The following FASLG variants were observed in gnomAD, a reference collection of about 807,000 sequenced individuals.
FASLG encodes tumor necrosis factor ligand superfamily member 6.
In FASLG, 9 loss-of-function variants were observed where a neutral mutation model predicts 24.6. The observed-to-expected ratio is 0.37, with a 90% confidence interval of 0.22 to 0.64. FASLG has a LOEUF of 0.64. Among genes scored for constraint, FASLG ranks in the 30% least tolerant of loss-of-function variants. FASLG has a pLI of 0.64. For synonymous variants in FASLG, 130 were observed against 135.5 expected (o/e 0.96, Z 0.28); for missense variants, 306 against 345.3 (o/e 0.89, Z 0.90).
In FASLG at chr1:172,666,129, C is replaced by A. The variant is rs1416345411; in HGVS notation, c.*113C>A. On this transcript the variant is annotated 3_prime_UTR_variant, in exon 4 of 4. Transcript: ENST00000367721. ...TTGAGGTCAAGTAAGAAGACATGAA[C>A]CAAGTGGACCTTGAGACCACAGGGT... The A allele has an allele frequency of 2.3e-6, 3 of 1,305,812 alleles. No homozygotes were observed. Among genetic ancestry groups the A allele is most frequent in the African/African-American group, 1.5e-5 (1 of 68,078 alleles). The allele number at this position is 1,305,812 out of a possible 1,614,324, so 80.9% of individuals were successfully genotyped here. A position where few individuals can be genotyped will look rare whatever the true frequency, so the allele number is the denominator to read the frequency against.
Position 172,665,871 on chromosome 1 carries a change from C to T in FASLG, c.701C>T (p.Thr234Ile), listed in dbSNP as rs1457134039. 2 of 1,613,584 alleles carry T rather than the reference C, an allele frequency of 1.2e-6. No individual in the cohort carries two copies. The highest frequency in any genetic ancestry group is 2.7e-5 in the African/African-American group (2 of 75,030). Residue 234 changes from threonine (T) to isoleucine (I), a missense_variant, in exon 4 of 4, where the codon ACT (threonine) becomes ATT (isoleucine). Physicochemically the swap from Thr to Ile is moderately conservative, Grantham distance 89. Coordinates refer to ENST00000367721, the MANE Select transcript of FASLG (RefSeq NM_000639.3). ...MMEGKMMSYC[T>I]TGQMWARSSY... ...GAGGGGAAGATGATGAGCTACTGCA[C>T]TACTGGGCAGATGTGGGCCCGCAGC...
rs753616723 is a variant in FASLG at position 172,665,809 on chromosome 1, G to A, written c.639G>A (p.Met213Ile). The A allele has an allele frequency of 1.9e-6, 3 of 1,614,158 alleles. No individual in the cohort carries two copies. The Admixed American group carries it at 5.0e-5, about 27-fold the overall frequency. The change falls in exon 4 of 4, where the codon ATG becomes ATA. Residue 213 changes from methionine to isoleucine, a missense_variant. Coordinates refer to ENST00000367721, the MANE Select transcript of FASLG (RefSeq NM_000639.3). ...NNLPLSHKVY[M>I]RNSKYPQDLV... ...TGCCCCTGAGCCACAAGGTCTACAT[G>A]AGGAACTCTAAGTATCCCCAGGATC... is the stretch of plus-strand genomic sequence containing the variant.
In FASLG at chr1:172,666,072, G is replaced by A; in HGVS notation, c.*56G>A. ...ATTCTTTGTTACAGGCACCGAGAAT[G>A]TTGTATTCAGTGAGGGTCTTCTTAC... is the stretch of plus-strand genomic sequence containing the variant. On this transcript the variant is annotated 3_prime_UTR_variant, in exon 4 of 4. Transcript: ENST00000367721. The A allele has an allele frequency of 6.2e-7, 1 of 1,601,826 alleles. No homozygotes were observed. The highest frequency in any genetic ancestry group is 1.1e-5 in the South Asian group (1 of 90,072).
At position 172,659,402 on chromosome 1, in the gene FASLG, G is replaced by A. The variant is rs778376020; in HGVS notation, c.201G>A (p.Pro67=). Residue 67 remains proline (P), a synonymous_variant, in exon 1 of 4, where the codon CCG becomes CCA. Coordinates refer to ENST00000367721, the MANE Select transcript of FASLG (RefSeq NM_000639.3). Reference sequence around the variant, plus strand: ...CGCCGCCACCACTGCCTCCACTACCGCTGCCACCCCTGAAGAAGAGAGGGA... The same window carrying A: ...CGCCGCCACCACTGCCTCCACTACCACTGCCACCCCTGAAGAAGAGAGGGA... The part of the protein sequence containing the change: ...PPPPPPLPPL[P]LPPLKKRGNH... 4 of 1,612,412 alleles carry A rather than the reference G, an allele frequency of 2.5e-6. No homozygotes were observed. In the South Asian group the frequency reaches 3.3e-5, roughly 13 times the overall value.
chr1:172,661,823 G>C (rs1255435827), intron 2 of FASLG, among the ~76,000 whole-genome samples: 5 of 152,028 alleles, frequency 3.3e-5, no homozygotes, highest in Non-Finnish European at 5.9e-5. Context: ...GCAAACATTA[G>C]TTTCAGCCAG....
In FASLG at chr1:172,665,632, C is replaced by T. The variant is rs1250791209; in HGVS notation, c.462C>T (p.Asn154=). 3.7e-6 allele frequency: 6 copies of T among 1,613,436 alleles called. No individual in the cohort carries two copies. Among genetic ancestry groups the T allele is most frequent in the Non-Finnish European group, 3.4e-6 (4 of 1,180,040 alleles). ...RKVAHLTGKS[N]SRSMPLEWED... ...TTGGATTTATTTCAGGCAAGTCCAA[C>T]TCAAGGTCCATGCCTCTGGAATGGG... Residue 154 remains asparagine, a synonymous_variant, in exon 4 of 4, where the codon AAC becomes AAT. Transcript: ENST00000367721.
intron 2 of FASLG, among the ~76,000 whole-genome samples, chr1:172,660,802 G>A (rs1013407448): frequency 1.3e-5 from 2 of 152,204 alleles, no homozygotes; most frequent in East Asian, 3.8e-4. Flanking sequence ...AGGGCAAGAA[G>A]ATGATAGGTT....
At chr1:172,664,528 T>A (rs945449580) in intron 3 of FASLG, 138 bp downstream of exon 3, 10 of 826,730 alleles carry the variant, frequency 1.2e-5, no homozygotes, top group African/African-American at 1.2e-4. Flanking sequence ...TACTAACACT[T>A]TTCTTGTCGA....
intron 2 of FASLG, among the ~76,000 whole-genome samples, chr1:172,662,239 A>G (rs1382507198): frequency 6.6e-6 from 1 of 152,208 alleles, no homozygotes; most frequent in South Asian, 2.1e-4. Flanking sequence ...ACATTTTTAT[A>G]TTCTTAGGAA....
intron 2 of FASLG, among the ~76,000 whole-genome samples, chr1:172,662,861 G>C (rs1165737904): frequency 6.6e-6 from 1 of 152,196 alleles, no homozygotes; most frequent in Admixed American, 6.5e-5. Context: ...TTTCCTGCCG[G>C]TGCGTGGCTG....
chr1:172,659,618 G>C, intron 1 of FASLG, 69 bp downstream of exon 1: 1 of 1,563,170 alleles, frequency 6.4e-7, no homozygotes. Flanking sequence ...CCCACTGCCT[G>C]GCTTGCAAAG....
rs758834921 is a variant in FASLG at position 172,666,842 on chromosome 1, CAT to C, written c.*827_*828del. On this transcript the variant is annotated 3_prime_UTR_variant, in exon 4 of 4. Coordinates refer to ENST00000367721, the MANE Select transcript of FASLG (RefSeq NM_000639.3). ...GATGTGCATTTTTGTGAAATGAAAACATGTAATAAAAAGTATATGTTAGGATA... is the reference window on the plus strand; with the variant it reads ...GATGTGCATTTTTGTGAAATGAAAACGTAATAAAAAGTATATGTTAGGATA... 5 of 152,266 alleles carry C rather than the reference CAT, an allele frequency of 3.3e-5. No homozygotes were observed. Among genetic ancestry groups the C allele is most frequent in the African/African-American group, 4.8e-5 (2 of 41,382 alleles). 9.4% of individuals were successfully genotyped at this position (152,266 alleles called of 1,614,324 possible). A position where few individuals can be genotyped will look rare whatever the true frequency, so the allele number is the denominator to read the frequency against.
rs751520670 is a variant in FASLG at position 172,666,057 on chromosome 1, A to G, written c.*41A>G. 15 of 1,610,252 alleles carry G rather than the reference A, an allele frequency of 9.3e-6. No homozygotes were observed. The Admixed American group carries it at 2.5e-4, about 27-fold the overall frequency. The stretch of plus-strand genomic sequence containing the variant: ...ATTCTTTCCATTATGATTCTTTGTT[A>G]CAGGCACCGAGAATGTTGTATTCAG... On this transcript the variant is annotated 3_prime_UTR_variant, in exon 4 of 4. Transcript: ENST00000367721.
chr1:172,659,354 G>C lies in FASLG; in HGVS notation c.153G>C (p.Pro51=). ...GQRRPPPPPP[P]PPLPPPPPPP... ...GGAGGCCACCACCACCACCGCCACC[G>C]CCACCACTACCACCTCCGCCGCCGC... The change falls in exon 1 of 4, where the codon CCG becomes CCC. Residue 51 remains proline (P), a synonymous_variant. Transcript: ENST00000367721. 1 of 1,610,754 alleles carries C rather than the reference G, an allele frequency of 6.2e-7. No individual in the cohort carries two copies. Among genetic ancestry groups the C allele is most frequent in the Non-Finnish European group, 8.5e-7 (1 of 1,178,498 alleles).
chr1:172,663,250 G>A (rs1296702406), intron 2 of FASLG, among the ~76,000 whole-genome samples: 1 of 152,158 alleles, frequency 6.6e-6, no homozygotes, highest in Non-Finnish European at 1.5e-5. Context: ...AACATGCCCT[G>A]TGTTAGAAAC....
Position 172,659,256 on chromosome 1 carries a change from G to A in FASLG, c.55G>A (p.Ala19Thr). 2 of 1,614,112 alleles carry A rather than the reference G, an allele frequency of 1.2e-6. No individual in the cohort carries two copies. Among genetic ancestry groups the A allele is most frequent in the South Asian group, 1.1e-5 (1 of 91,082 alleles). ...YPQIYWVDSS[A>T]SSPWAPPGTV... ...CCAGATCTACTGGGTGGACAGCAGT[G>A]CCAGCTCTCCCTGGGCCCCTCCAGG... Residue 19 changes from alanine (A) to threonine (T), a missense_variant, in exon 1 of 4, where the codon GCC becomes ACC. Ala to Thr is a moderately conservative substitution (Grantham distance 58). Transcript: ENST00000367721.
At position 172,665,814 on chromosome 1, in the gene FASLG, A is replaced by G; in HGVS notation, c.644A>G (p.Asn215Ser). The G allele has an allele frequency of 6.2e-7, 1 of 1,613,984 alleles. No individual in the cohort carries two copies. The highest frequency in any genetic ancestry group is 8.5e-7 in the Non-Finnish European group (1 of 1,179,992). ...LPLSHKVYMRNSKYPQDLVMM... is the reference protein window; with the variant it reads ...LPLSHKVYMRSSKYPQDLVMM... ...CTGAGCCACAAGGTCTACATGAGGA[A>G]CTCTAAGTATCCCCAGGATCTGGTG... Residue 215 changes from asparagine (N) to serine (S), a missense_variant, in exon 4 of 4, where the codon AAC becomes AGC. By Grantham distance (46) the Asn-to-Ser change is conservative. Transcript: ENST00000367721.
intron 2 of FASLG, among the ~76,000 whole-genome samples, chr1:172,663,674 T>C (rs758906844): frequency 7.2e-5 from 11 of 152,148 alleles, no homozygotes; most frequent in Non-Finnish European, 1.3e-4. Flanking sequence ...GGGATACTTG[T>C]ATACGACGGC....
intron 2 of FASLG, among the ~76,000 whole-genome samples, chr1:172,661,433 C>A (rs1390707467): frequency 1.3e-5 from 2 of 152,176 alleles, no homozygotes; most frequent in Non-Finnish European, 2.9e-5. Flanking sequence ...CATATGTACA[C>A]AAGCAGAGTG....
Sources: gnomAD v4.1 joint callset for allele counts (sites outside exome capture counted in the v4.1 genomes callset) on GRCh38, gnomAD v4.1.1 for gene constraint, MANE v1.5 for transcripts, NCBI Gene and HGNC (gene_info 2026-07-23, HGNC 2026-07-21) for gene names.